The following PTCD3 variants were observed in gnomAD, a reference collection of about 807,000 sequenced individuals.
The protein encoded by PTCD3 is pentatricopeptide repeat domain 3.
In PTCD3, 89 loss-of-function variants were observed where a neutral mutation model predicts 101.9. That is an observed-to-expected ratio of 0.87 (90% CI 0.74 to 1.04). The LOEUF (loss-of-function observed/expected upper bound fraction) is 1.04, where lower values mean the gene tolerates loss of function less well. PTCD3 is among the 50% of genes least tolerant of loss of function. The pLI is 0.00. For synonymous variants in PTCD3, 296 were observed against 278.5 expected (o/e 1.06, Z -0.63); for missense variants, 870 against 828.2 (o/e 1.05, Z -0.62).
At chr2:86,111,077 C>A (rs763214173) in intron 3 of PTCD3, 36 bp from the exon 4 acceptor site, 10 of 1,587,300 alleles carry the variant, frequency 6.3e-6, no homozygotes, top group Non-Finnish European at 8.7e-6. Flanking sequence ...CTATGAAGAG[C>A]CCTGATGAGG....
At chr2:86,106,394 A>C (rs770208926) in intron 1 of PTCD3, 43 bp downstream of exon 1, 5 of 1,576,150 alleles carry the variant, frequency 3.2e-6, no homozygotes, top group Non-Finnish European at 3.5e-6. Context: ...CCGCGGAGTC[A>C]CCTTAGTCCT....
chr2:86,135,080 A>G lies in PTCD3; in HGVS notation c.1778+93A>G, dbSNP rs1475743935. Reference sequence around the variant, plus strand: ...CTGGTAGAGGTTCTTTCATTTGGCCACATAACACGTATTTGATTCGGGAAC... The same window carrying G: ...CTGGTAGAGGTTCTTTCATTTGGCCGCATAACACGTATTTGATTCGGGAAC... On this transcript the variant is annotated intron_variant, in intron 21 of 23. Transcript: ENST00000254630. 8 of 1,425,304 alleles carry G rather than the reference A, an allele frequency of 5.6e-6. 1 individual carries two copies. Among genetic ancestry groups the G allele is most frequent in the Middle Eastern group, 1.9e-4 (1 of 5,328 alleles). The allele number at this position is 1,425,304 out of a possible 1,614,324, so 88.3% of individuals were successfully genotyped here.
intron 3 of PTCD3, among the ~76,000 whole-genome samples, chr2:86,109,560 G>A (rs528573034): frequency 3.9e-5 from 6 of 152,312 alleles, no homozygotes; most frequent in Non-Finnish European, 5.9e-5. Context: ...AAAACTTACC[G>A]TATTGGCAGA....
intron 4 of PTCD3, among the ~76,000 whole-genome samples, chr2:86,112,727 CCTTTATTTGGCAAAGGAGGAAG>C (rs1334015330): frequency 6.6e-6 from 1 of 151,546 alleles, no homozygotes; most frequent in African/African-American, 2.4e-5. Context: ...TTATCAAATC[CCTTTATTTGGCAAAGGAGGAAG>C]CTAAGGTTTT....
rs2104466145 is a variant in PTCD3, at chr2:86,139,968, T to C, written c.*2409T>C. On this transcript the variant is annotated 3_prime_UTR_variant, in exon 24 of 24. Transcript: ENST00000254630. ...TTTGGTTCAACATTTGAGGGTTGTT[T>C]TATAGCCATCAAAGTATTCAAGAGG... is the stretch of plus-strand genomic sequence containing the variant. The C allele has an allele frequency of 6.6e-6, 1 of 152,298 alleles. No individual in the cohort carries two copies. Among genetic ancestry groups the C allele is most frequent in the East Asian group, 1.9e-4 (1 of 5,180 alleles). The allele number at this position is 152,298 out of a possible 1,614,324, so 9.4% of individuals were successfully genotyped here.
chr2:86,130,231 C>T (rs1452377219), intron 14 of PTCD3, among the ~76,000 whole-genome samples: 2 of 151,808 alleles, frequency 1.3e-5, no homozygotes, highest in Admixed American at 6.6e-5. Flanking sequence ...ACCCGGGAGG[C>T]GGAGGTTGCA....
rs1339495067 is a variant in PTCD3 at position 86,139,096 on chromosome 2, C to T, written c.*1537C>T. The T allele has an allele frequency of 6.6e-6, 1 of 152,242 alleles. No homozygotes were observed. Among genetic ancestry groups the T allele is most frequent in the Non-Finnish European group, 1.5e-5 (1 of 68,066 alleles). The allele number at this position is 152,242 out of a possible 1,614,324, so 9.4% of individuals were successfully genotyped here. A position where few individuals can be genotyped will look rare whatever the true frequency, so the allele number is the denominator to read the frequency against. On this transcript the variant is annotated 3_prime_UTR_variant, in exon 24 of 24. Coordinates refer to ENST00000254630, the MANE Select transcript of PTCD3 (RefSeq NM_017952.6). The stretch of plus-strand genomic sequence containing the variant: ...GGTACAGATCCTCCAAACCCATACT[C>T]TGAGCAATTAACTGCCTTGAACATA...
intron 7 of PTCD3, among the ~76,000 whole-genome samples, chr2:86,121,222 A>C (rs1169038810): frequency 1.3e-5 from 2 of 152,180 alleles, no homozygotes; most frequent in African/African-American, 4.8e-5. Context: ...TGAGTACATA[A>C]AATAAGTGAG....
chr2:86,120,715 C>T (rs1674264749), intron 7 of PTCD3, among the ~76,000 whole-genome samples: 3 of 152,042 alleles, frequency 2.0e-5, no homozygotes, highest in African/African-American at 4.8e-5. Context: ...GGCAACATAG[C>T]GAGACCTCAT....
chr2:86,140,052 G>T lies in PTCD3; in HGVS notation c.*2493G>T, dbSNP rs564206810. 1 of 152,258 alleles carries T rather than the reference G, an allele frequency of 6.6e-6. No homozygotes were observed. The highest frequency in any genetic ancestry group is 1.9e-4 in the East Asian group (1 of 5,184). 9.4% of individuals were successfully genotyped at this position (152,258 alleles called of 1,614,324 possible). On this transcript the variant is annotated 3_prime_UTR_variant, in exon 24 of 24. Coordinates refer to ENST00000254630, the MANE Select transcript of PTCD3 (RefSeq NM_017952.6). ...AATCAAACTCAAATCTGGCACGTAG[G>T]TGCTTCTTAGTAAATGCTTAATGAA...
chr2:86,133,533 C>A, intron 19 of PTCD3, 97 bp downstream of exon 19: 1 of 1,190,228 alleles, frequency 8.4e-7, no homozygotes, highest in Non-Finnish European at 1.2e-6. Flanking sequence ...ATGAAAACTT[C>A]CATTTTGACT....
chr2:86,107,182 GCCAGT>G (rs1239172502), intron 1 of PTCD3: 2 of 471,096 alleles, frequency 4.2e-6, no homozygotes, highest in African/African-American at 4.0e-5. Flanking sequence ...GCCATTCAAT[GCCAGT>G]CCTCCGTTTC....
Position 86,138,520 on chromosome 2 carries a change from G to A in PTCD3, c.*961G>A, listed in dbSNP as rs1040260806. 6 of 152,168 alleles carry A rather than the reference G, an allele frequency of 3.9e-5. No individual in the cohort carries two copies. Among genetic ancestry groups the A allele is most frequent in the African/African-American group, 1.4e-4 (6 of 41,432 alleles). 9.4% of individuals were successfully genotyped at this position (152,168 alleles called of 1,614,324 possible). On this transcript the variant is annotated 3_prime_UTR_variant, in exon 24 of 24. Coordinates refer to ENST00000254630, the MANE Select transcript of PTCD3 (RefSeq NM_017952.6). ...GCAGCTTCATCTTTACCTTGCCAGA[G>A]TTGACAATTATGGGATACTCTAGTC...
Position 86,109,279 on chromosome 2 carries a change from C to T in PTCD3, c.194+743C>T, listed in dbSNP as rs186504170. Among the ~76,000 whole-genome samples, 680 of 152,010 alleles carry T rather than the reference C, an allele frequency of 4.5e-3. 3 individuals carry two copies. Among genetic ancestry groups the T allele is most frequent in the Middle Eastern group, 0.02 (6 of 294 alleles). The stretch of plus-strand genomic sequence containing the variant: ...AAATTAGCCGGATGTGGTGGGGGGT[C>T]GCCTGTAGTCCCAGCTACTCGGGAG... On this transcript the variant is annotated intron_variant, in intron 3 of 23. Coordinates refer to ENST00000254630, the MANE Select transcript of PTCD3 (RefSeq NM_017952.6).
At chr2:86,115,591 C>T (rs1334155407) in intron 4 of PTCD3, among the ~76,000 whole-genome samples, 1 of 152,190 alleles carries the variant, frequency 6.6e-6, no homozygotes, top group Non-Finnish European at 1.5e-5. Flanking sequence ...TGCAGGGAAG[C>T]TTCTGTGCCC....
At position 86,134,955 on chromosome 2, in the gene PTCD3, C is replaced by G. The variant is rs1674557560; in HGVS notation, c.1746C>G (p.Leu582=). ...PATSLNCIAI[L]FLRAGRTQEA... ...CCTCTCTCAACTGTATAGCTATCCTCTTTTTAAGGGCTGGGAGAACTCAGG... is the reference window on the plus strand; with the variant it reads ...CCTCTCTCAACTGTATAGCTATCCTGTTTTTAAGGGCTGGGAGAACTCAGG... Residue 582 remains leucine (L), a synonymous_variant, in exon 21 of 24, where the codon CTC becomes CTG. Coordinates refer to ENST00000254630, the MANE Select transcript of PTCD3 (RefSeq NM_017952.6). The G allele has an allele frequency of 1.2e-6, 2 of 1,614,114 alleles. No individual in the cohort carries two copies. The highest frequency in any genetic ancestry group is 1.7e-6 in the Non-Finnish European group (2 of 1,179,980).
At chr2:86,109,857 A>G (rs557262961) in intron 3 of PTCD3, among the ~76,000 whole-genome samples, 78 of 152,372 alleles carry the variant, frequency 5.1e-4, no homozygotes, top group African/African-American at 1.9e-3. Flanking sequence ...ATTTAATAAC[A>G]TGGATAGTGC....
chr2:86,115,267 A>G (rs1179649169), intron 4 of PTCD3, among the ~76,000 whole-genome samples: 2 of 152,162 alleles, frequency 1.3e-5, no homozygotes, highest in East Asian at 1.9e-4. Flanking sequence ...TAGATGCCTG[A>G]TATCACTACC....
At chr2:86,128,279 T>TC (rs1485497742) in intron 14 of PTCD3, among the ~76,000 whole-genome samples, 1 of 151,550 alleles carries the variant, frequency 6.6e-6, no homozygotes, top group Non-Finnish European at 1.5e-5. Flanking sequence ...TTTTTTTTTT[T>TC]TGGACAGGGT....
Sources: allele counts gnomAD v4.1 joint callset (sites outside exome capture counted in the v4.1 genomes callset), GRCh38; gene constraint gnomAD v4.1.1; transcripts MANE v1.5; gene names NCBI Gene and HGNC (gene_info 2026-07-23, HGNC 2026-07-21).